MYOM1: variants seen among roughly 807,000 people sequenced by gnomAD.
The protein encoded by MYOM1 is myomesin 1, also known as myomesin-1.
Under a neutral mutation model 205.3 loss-of-function variants are expected in MYOM1, and 164 were observed. The observed-to-expected ratio is 0.80, with a 90% CI of 0.70 to 0.91. The LOEUF is 0.91. Ranked by LOEUF, MYOM1 falls within the 40% of genes least tolerant of loss-of-function variation. The pLI is 0.00. For missense variants in MYOM1, 2,011 were observed against 2,127.3 expected (o/e 0.95, Z 1.08); for synonymous variants, 772 against 789.4 (o/e 0.98, Z 0.37).
intron 22 of MYOM1, among the ~76,000 whole-genome samples, chr18:3,107,231 C>T (rs2079463472): frequency 6.6e-6 from 1 of 152,148 alleles, no homozygotes; most frequent in African/African-American, 2.4e-5. Context: ...GATTCTCCTG[C>T]CTCAGCCTCC....
intron 2 of MYOM1, among the ~76,000 whole-genome samples, chr18:3,201,140 TG>T (rs1251663363): frequency 6.6e-6 from 1 of 152,182 alleles, no homozygotes; most frequent in African/African-American, 2.4e-5. Flanking sequence ...GGCTCATGCC[TG>T]TAATCCTAGC....
At chr18:3,223,483 A>G (rs1240505271), upstream of MYOM1, among the ~76,000 whole-genome samples, 1 of 152,232 alleles carries the variant, frequency 6.6e-6, no homozygotes, top group Non-Finnish European at 1.5e-5. Flanking sequence ...TAAGAAAGGT[A>G]TCATATTTGG....
chr18:3,142,014 G>C lies in MYOM1; in HGVS notation c.1950C>G (p.Thr650=), dbSNP rs1221080835. 1.2e-6 allele frequency: 2 copies of C among 1,613,714 alleles called. No homozygotes were observed. The highest frequency in any genetic ancestry group is 1.3e-5 in the African/African-American group (1 of 74,874). ...TCCAGCTGAGCACCACATAGCTCCG[G>C]GTGGCCTCAGTGACAGAGAGGTCTG... ...PPTDLSVTEA[T]RSYVVLSWKP... is the part of the protein sequence containing the mutation. The change falls in exon 14 of 38, where the codon ACC becomes ACG. Residue 650 remains threonine (T), a synonymous_variant. Transcript: ENST00000356443.
At position 3,075,642 on chromosome 18, in the gene MYOM1, T is replaced by C. The variant is rs375821365; in HGVS notation, c.4685+83A>G. ...ACTTTCTGAAATAAAAGGCTCTTTC[T>C]AACACTCAGAGGGGCGAGCAGCATG... is the stretch of plus-strand genomic sequence containing the variant. On this transcript the variant is annotated intron_variant, in intron 35 of 37. Transcript: ENST00000356443. 677 of 1,495,076 alleles carry C rather than the reference T, an allele frequency of 4.5e-4. 1 individual carries two copies. The highest frequency in any genetic ancestry group is 5.9e-4 in the Non-Finnish European group (637 of 1,075,698). The allele number at this position is 1,495,076 out of a possible 1,614,324, so 92.6% of individuals were successfully genotyped here.
chr18:3,204,236 G>A (rs1048471316), intron 2 of MYOM1, among the ~76,000 whole-genome samples: 4 of 151,932 alleles, frequency 2.6e-5, no homozygotes, highest in Admixed American at 2.0e-4. Flanking sequence ...CATTGTAGTG[G>A]AGGTTCTAGT....
chr18:3,076,992 G>A (rs982702338), intron 34 of MYOM1, among the ~76,000 whole-genome samples: 8 of 150,390 alleles, frequency 5.3e-5, no homozygotes, highest in African/African-American at 2.0e-4. Flanking sequence ...GATTACAGGC[G>A]TGAGCCACAG....
At chr18:3,192,561 T>A (rs536303322) in intron 3 of MYOM1, among the ~76,000 whole-genome samples, 1 of 152,284 alleles carries the variant, frequency 6.6e-6, no homozygotes, top group South Asian at 2.1e-4. Flanking sequence ...TCCAAGAGGA[T>A]CTACTTTTCC....
chr18:3,161,145 C>T (rs1341280484), intron 10 of MYOM1, among the ~76,000 whole-genome samples: 4 of 152,202 alleles, frequency 2.6e-5, no homozygotes, highest in Non-Finnish European at 5.9e-5. Flanking sequence ...TTGGTTCTCA[C>T]TGCAATTTTC....
chr18:3,217,843 A>C (rs1360967595), intron 1 of MYOM1, among the ~76,000 whole-genome samples: 1 of 152,060 alleles, frequency 6.6e-6, no homozygotes, highest in Non-Finnish European at 1.5e-5. Flanking sequence ...GATAAAATAA[A>C]ATAAGTAAAA....
rs148227150 is a variant in MYOM1 at position 3,079,752 on chromosome 18, C to T, written c.4485-410G>A. ...ATCTATGGCTATAAATCAGATTCTA[C>T]AAGCTAGTCCAAAAACACACTTATG... On this transcript the variant is annotated intron_variant, in intron 33 of 37. Transcript: ENST00000356443. Among the ~76,000 whole-genome samples, 484 of 152,268 alleles carry T rather than the reference C, an allele frequency of 3.2e-3. 3 individuals are homozygous for T. The highest frequency in any genetic ancestry group is 0.011 in the African/African-American group (474 of 41,542).
intron 2 of MYOM1, among the ~76,000 whole-genome samples, chr18:3,205,560 A>G (rs2081115125): frequency 6.6e-6 from 1 of 152,232 alleles, no homozygotes; most frequent in African/African-American, 2.4e-5. Flanking sequence ...AATAAGACAG[A>G]AAACAATAAA....
intron 20 of MYOM1, among the ~76,000 whole-genome samples, chr18:3,118,352 C>CCT (rs1567915118): frequency 6.6e-6 from 1 of 151,226 alleles, no homozygotes. Context: ...AACTGCATCA[C>CCT]TTTTTTTTAA....
At chr18:3,141,909 T>C in intron 14 of MYOM1, 30 bp downstream of exon 14, 1 of 1,612,574 alleles carries the variant, frequency 6.2e-7, no homozygotes, top group East Asian at 2.2e-5. Context: ...TAGGAGGTAG[T>C]ATGAGGTCAT....
intron 16 of MYOM1, 52 bp downstream of exon 16, chr18:3,134,598 T>C: frequency 6.5e-7 from 1 of 1,545,796 alleles, no homozygotes; most frequent in Non-Finnish European, 8.7e-7. Context: ...GCCGTATGTG[T>C]CTATGGCAGC....
intron 33 of MYOM1, among the ~76,000 whole-genome samples, chr18:3,082,372 T>C (rs1166328099): frequency 6.6e-6 from 1 of 152,138 alleles, no homozygotes; most frequent in Non-Finnish European, 1.5e-5. Context: ...TGTGTGACCT[T>C]AGGCCGGTCA....
At chr18:3,230,616 C>T in the MYOM1 span, among the ~76,000 whole-genome samples, 1 of 152,182 alleles carries the variant, frequency 6.6e-6, no homozygotes. Context: ...CTTGCTTCAG[C>T]CTCTGATTGG....
chr18:3,213,639 T>C (rs140789443), intron 2 of MYOM1, among the ~76,000 whole-genome samples: 1 of 152,346 alleles, frequency 6.6e-6, no homozygotes, highest in East Asian at 1.9e-4. Context: ...GACGTTGCTG[T>C]TGTAAAGTGT....
chr18:3,206,851 C>T (rs1459151031), intron 2 of MYOM1, among the ~76,000 whole-genome samples: 1 of 152,094 alleles, frequency 6.6e-6, no homozygotes, highest in Non-Finnish European at 1.5e-5. Context: ...TCGACATGAT[C>T]CTTGAAATTT....
Position 3,214,986 on chromosome 18 carries a change from A to C in MYOM1, c.238T>G (p.Ser80Ala). The C allele has an allele frequency of 6.2e-7, 1 of 1,610,838 alleles. No individual in the cohort carries two copies. The highest frequency in any genetic ancestry group is 8.5e-7 in the Non-Finnish European group (1 of 1,178,110). The change falls in exon 2 of 38, where the codon TCT becomes GCT. Residue 80 changes from serine (S) to alanine (A), a missense_variant. Ser to Ala is a moderately conservative substitution (Grantham distance 99). Transcript: ENST00000356443. ...GAGGCTGCCTTCCGACTGACTTCAG[A>C]GCTCAGGGCGTGCTGCGAGGCCTGC... ...QQQASQHALS[S>A]EVSRKAASAY...
Sources: allele counts gnomAD v4.1 joint callset (sites outside exome capture counted in the v4.1 genomes callset), GRCh38; gene constraint gnomAD v4.1.1; transcripts MANE v1.5; gene names NCBI Gene and HGNC (gene_info 2026-07-23, HGNC 2026-07-21).